ZBTB40: variants seen among roughly 807,000 people sequenced by gnomAD.
ZBTB40 encodes zinc finger and BTB domain containing 40.
Under a neutral mutation model 117.5 loss-of-function variants are expected in ZBTB40, and 60 were observed. That is an observed-to-expected ratio of 0.51 (90% CI 0.41 to 0.63). The LOEUF (loss-of-function observed/expected upper bound fraction) is 0.63, where lower values mean the gene tolerates loss of function less well. ZBTB40 is among the 30% of genes least tolerant of loss of function. The pLI is 0.00. For synonymous variants in ZBTB40, 525 were observed against 577.1 expected (o/e 0.91, Z 1.29); for missense variants, 1,287 against 1,498.5 (o/e 0.86, Z 2.33).
chr1:22,450,556 T>C (rs1313141772), upstream of ZBTB40, among the ~76,000 whole-genome samples: 2 of 152,202 alleles, frequency 1.3e-5, no homozygotes, highest in African/African-American at 4.8e-5. Context: ...CTGGCTTGAC[T>C]GTGTGGCAGC....
At chr1:22,497,913 C>G (rs1260400551) in intron 3 of ZBTB40, among the ~76,000 whole-genome samples, 1 of 152,118 alleles carries the variant, frequency 6.6e-6, no homozygotes, top group East Asian at 1.9e-4. Context: ...CGATTGTAGT[C>G]TCTATCATTA....
intron 1 of ZBTB40, among the ~76,000 whole-genome samples, chr1:22,488,121 T>A (rs1638525432): frequency 6.6e-6 from 1 of 152,190 alleles, no homozygotes; most frequent in South Asian, 2.1e-4. Flanking sequence ...ACTCCTGGAC[T>A]CTCCTATCCC....
At chr1:22,505,017 G>T (rs2124448840) in intron 5 of ZBTB40, among the ~76,000 whole-genome samples, 1 of 152,254 alleles carries the variant, frequency 6.6e-6, no homozygotes, top group African/African-American at 2.4e-5. Context: ...TACTGACAAA[G>T]AATATGACAG....
rs1180435978 is a variant in ZBTB40 at position 22,490,577 on chromosome 1, C to G, written c.629C>G (p.Ala210Gly). 6.2e-7 allele frequency: 1 copy of G among 1,614,140 alleles called. No homozygotes were observed. The highest frequency in any genetic ancestry group is 1.7e-5 in the Admixed American group (1 of 60,028). ...ACCCCAGCGGAGACTCCTACTACAGCTGAAGCTTGTTCCCCCTCCCCTGCT... is the reference window on the plus strand; with the variant it reads ...ACCCCAGCGGAGACTCCTACTACAGGTGAAGCTTGTTCCCCCTCCCCTGCT... ...AETPAETPTT[A>G]EACSPSPAVQ... Residue 210 changes from alanine to glycine, a missense_variant, in exon 2 of 18, where the codon GCT (alanine) becomes GGT (glycine). Ala to Gly is a moderately conservative substitution (Grantham distance 60, BLOSUM62 0). Transcript: ENST00000375647.
At chr1:22,480,139 C>T (rs1159117667) in intron 1 of ZBTB40, among the ~76,000 whole-genome samples, 2 of 152,120 alleles carry the variant, frequency 1.3e-5, no homozygotes, top group Non-Finnish European at 2.9e-5. Context: ...CTCCTGACCT[C>T]GAGTGATCCA....
At chr1:22,476,607 T>C (rs1000945464) in intron 1 of ZBTB40, among the ~76,000 whole-genome samples, 4 of 152,274 alleles carry the variant, frequency 2.6e-5, no homozygotes, top group African/African-American at 9.6e-5. Context: ...AAAGCTGGCC[T>C]AGTTTCTACT....
At chr1:22,523,832 T>C (rs1639603934) in intron 16 of ZBTB40, among the ~76,000 whole-genome samples, 1 of 152,228 alleles carries the variant, frequency 6.6e-6, no homozygotes, top group African/African-American at 2.4e-5. Context: ...ACAGAAGTCA[T>C]AAGGTGCCAT....
rs1161739868 is a variant in ZBTB40, at chr1:22,465,676, G to T, written c.-70+13672G>T. Among the ~76,000 whole-genome samples the T allele has an allele frequency of 2.0e-5, 3 of 152,196 alleles. No homozygotes were observed. The East Asian group carries it at 5.8e-4, about 29-fold the overall frequency. The stretch of plus-strand genomic sequence containing the variant: ...TAGCAGGGAGAAGCCAAACAGTGGG[G>T]GCAGGTGCTTCTGAGCCTGTGAGGG... On this transcript the variant is annotated intron_variant, in intron 1 of 17. Transcript: ENST00000375647.
chr1:22,452,568 AGAGG>A (rs1640906334), intron 1 of ZBTB40: 1 of 152,238 alleles, frequency 6.6e-6, no homozygotes, highest in Non-Finnish European at 1.5e-5. Flanking sequence ...TTTCCTGCCA[AGAGG>A]GCAGAGCTGA....
rs1197309923 is a variant in ZBTB40 at position 22,528,769 on chromosome 1, C to G, written c.*2373C>G. 6.6e-6 allele frequency: 1 copy of G among 151,338 alleles called. No individual in the cohort carries two copies. Among genetic ancestry groups the G allele is most frequent in the Non-Finnish European group, 1.5e-5 (1 of 67,972 alleles). The allele number at this position is 151,338 out of a possible 1,614,324, so 9.4% of individuals were successfully genotyped here. ...CAGGCTGGTTTAAAACTCCTGAGCT[C>G]AAGCAGTTCTCCCACCTGGGCCTCC... On this transcript the variant is annotated 3_prime_UTR_variant, in exon 18 of 18. Transcript: ENST00000375647.
intron 3 of ZBTB40, among the ~76,000 whole-genome samples, chr1:22,494,116 T>A (rs1638709220): frequency 6.6e-6 from 1 of 152,230 alleles, no homozygotes. Context: ...TGTTTGTTTT[T>A]ACATTAACTC....
chr1:22,465,152 G>T (rs900342384), intron 1 of ZBTB40, among the ~76,000 whole-genome samples: 1 of 152,208 alleles, frequency 6.6e-6, no homozygotes, highest in Admixed American at 6.5e-5. Context: ...TGTCTGTCGA[G>T]TGTTCAGCTC....
At position 22,513,376 on chromosome 1, in the gene ZBTB40, C is replaced by G. The variant is rs978708764; in HGVS notation, c.2668+246C>G. ...TCCCTGATGCAGTTATTTCATATTG[C>G]ATGCCTGCAGCACAACATCACATGT... On this transcript the variant is annotated intron_variant, in intron 12 of 17. Coordinates refer to ENST00000375647, the MANE Select transcript of ZBTB40 (RefSeq NM_014870.4). The surrounding 1 kb of genome is among the most constrained non-coding windows in gnomAD (Gnocchi z 4.9). Among the ~76,000 whole-genome samples, 3 of 152,104 alleles carry G rather than the reference C, an allele frequency of 2.0e-5. No individual in the cohort carries two copies. Among genetic ancestry groups the G allele is most frequent in the African/African-American group, 7.2e-5 (3 of 41,412 alleles).
At chr1:22,522,761 C>T (rs868330802) in intron 16 of ZBTB40, among the ~76,000 whole-genome samples, 38 of 134,746 alleles carry the variant, frequency 2.8e-4, no homozygotes, top group Middle Eastern at 3.9e-3. Flanking sequence ...ATAAGATATA[C>T]CATTTTTATT....
chr1:22,473,137 T>C (rs1396094825), intron 1 of ZBTB40, among the ~76,000 whole-genome samples: 3 of 152,204 alleles, frequency 2.0e-5, no homozygotes, highest in Non-Finnish European at 4.4e-5. Flanking sequence ...TGTACAGCAC[T>C]TTGCTACTCA....
At chr1:22,521,761 A>C in intron 15 of ZBTB40, 103 bp downstream of exon 15, 1 of 1,530,598 alleles carries the variant, frequency 6.5e-7, no homozygotes, top group Non-Finnish European at 9.0e-7. Flanking sequence ...TGTGATGTGC[A>C]GTGGTCATTG....
At position 22,503,654 on chromosome 1, in the gene ZBTB40, G is replaced by A. The variant is rs528158123; in HGVS notation, c.1167+1213G>A. The stretch of plus-strand genomic sequence containing the variant: ...ACAATGGAAACAACCTTTAATCTCA[G>A]AATTACATTTTGTGATTTAATTGTT... On this transcript the variant is annotated intron_variant, in intron 5 of 17. Coordinates refer to ENST00000375647, the MANE Select transcript of ZBTB40 (RefSeq NM_014870.4). Among the ~76,000 whole-genome samples the A allele has an allele frequency of 2.0e-5, 3 of 152,246 alleles. No individual in the cohort carries two copies. In the East Asian group the frequency reaches 5.8e-4, roughly 29 times the overall value.
chr1:22,485,324 A>T (rs369500159), intron 1 of ZBTB40, among the ~76,000 whole-genome samples: 3 of 152,182 alleles, frequency 2.0e-5, no homozygotes, highest in African/African-American at 7.2e-5. Flanking sequence ...ACTTTAATAG[A>T]TATAGGCCTA....
At chr1:22,521,249 A>G (rs890821721) in intron 14 of ZBTB40, among the ~76,000 whole-genome samples, 2 of 152,214 alleles carry the variant, frequency 1.3e-5, no homozygotes, top group African/African-American at 4.8e-5. Flanking sequence ...GCTTGTTGTA[A>G]GGAATGGGCA....
Sources: allele counts gnomAD v4.1 joint callset (sites outside exome capture counted in the v4.1 genomes callset), GRCh38; gene constraint gnomAD v4.1.1; non-coding constraint Gnocchi (gnomAD v3.1); transcripts MANE v1.5; gene names NCBI Gene and HGNC (gene_info 2026-07-23, HGNC 2026-07-21).